Variants in GALNT13 observed in about 807,000 individuals in gnomAD.
GALNT13 encodes UDP-GalNAc:polypeptide N-acetylgalactosaminyltransferase 13.
A neutral mutation model predicts 64.2 loss-of-function variants in GALNT13; 28 were observed. The ratio of observed to expected loss-of-function variants is 0.44; its 90% CI spans 0.32 to 0.60. The LOEUF is 0.60. GALNT13 is among the 20% of genes least tolerant of loss of function. The probability of loss-of-function intolerance (pLI) is 0.05; values close to 1 mark genes in which losing one functional copy is unlikely to be tolerated. For missense variants in GALNT13, 577 were observed against 669.8 expected, an observed-to-expected ratio of 0.86 and a Z score of 1.53; for synonymous variants, 214 against 224.6, an observed-to-expected ratio of 0.95 and a Z score of 0.42.
At chr2:153,475,655 A>C in the GALNT13 span, among the ~76,000 whole-genome samples, 1 of 152,098 alleles carries the variant, frequency 6.6e-6, no homozygotes, top group African/African-American at 2.4e-5. Context: ...CGTGTCTGAA[A>C]CTCTAAGCAT....
chr2:154,123,506 T>G (rs1385938242), intron 3 of GALNT13, among the ~76,000 whole-genome samples: 1 of 151,924 alleles, frequency 6.6e-6, no homozygotes, highest in Non-Finnish European at 1.5e-5. Context: ...TTAGACCCTT[T>G]TAAAAAGGCA....
At chr2:154,446,954 G>C (rs1277153303) in intron 12 of GALNT13, among the ~76,000 whole-genome samples, 1 of 150,204 alleles carries the variant, frequency 6.7e-6, no homozygotes, top group Non-Finnish European at 1.5e-5. Flanking sequence ...GTTGTGTTTA[G>C]TCTATCCTTA....
At chr2:153,728,626 A>G in the GALNT13 span, among the ~76,000 whole-genome samples, 7 of 152,124 alleles carry the variant, frequency 4.6e-5, no homozygotes, top group African/African-American at 1.7e-4. Context: ...CTAGCAGAAG[A>G]CAAGAAATAA....
intron 7 of GALNT13, among the ~76,000 whole-genome samples, chr2:154,253,831 T>TA (rs1384845495): frequency 6.6e-6 from 1 of 152,222 alleles, no homozygotes; most frequent in Non-Finnish European, 1.5e-5. Context: ...GCTATAGAGA[T>TA]ACATTACTCA....
the GALNT13 span, among the ~76,000 whole-genome samples, chr2:153,677,857 C>A: frequency 6.6e-6 from 1 of 152,034 alleles, no homozygotes; most frequent in African/African-American, 2.4e-5. Flanking sequence ...GGACCCGTTC[C>A]TTTTGCCTTA....
the GALNT13 span, among the ~76,000 whole-genome samples, chr2:153,081,113 T>C: frequency 6.6e-6 from 1 of 152,140 alleles, no homozygotes; most frequent in Non-Finnish European, 1.5e-5. Flanking sequence ...TTCAGTTCTG[T>C]GTTTTTTTGC....
chr2:154,030,150 G>A (rs1391570078), intron 3 of GALNT13, among the ~76,000 whole-genome samples: 1 of 126,390 alleles, frequency 7.9e-6, no homozygotes, highest in Non-Finnish European at 2.0e-5. Context: ...AAATTAAGGA[G>A]GATTTAATGA....
chr2:153,458,591 G>T, the GALNT13 span, among the ~76,000 whole-genome samples: 3 of 152,210 alleles, frequency 2.0e-5, no homozygotes, highest in African/African-American at 7.2e-5. Flanking sequence ...CTTAGACCCA[G>T]AACTTAGTTT....
the GALNT13 span, among the ~76,000 whole-genome samples, chr2:153,081,160 A>G: frequency 6.6e-6 from 1 of 152,046 alleles, no homozygotes. Flanking sequence ...ACTATATGGT[A>G]TATACATTTT....
the GALNT13 span, among the ~76,000 whole-genome samples, chr2:153,796,295 G>C: frequency 6.6e-6 from 1 of 152,196 alleles, no homozygotes; most frequent in African/African-American, 2.4e-5. Context: ...AAACACAAGA[G>C]TGGGGAGCAT....
At chr2:153,755,133 T>G in the GALNT13 span, among the ~76,000 whole-genome samples, 1 of 152,182 alleles carries the variant, frequency 6.6e-6, no homozygotes, top group African/African-American at 2.4e-5. Flanking sequence ...TTCAGTGATA[T>G]GAAGTTAAAA....
At chr2:153,560,430 A>G in the GALNT13 span, among the ~76,000 whole-genome samples, 1 of 152,040 alleles carries the variant, frequency 6.6e-6, no homozygotes, top group African/African-American at 2.4e-5. Context: ...AAAAAAAAAC[A>G]TTCATCCATG....
chr2:154,144,057 T>A (rs906648320), intron 4 of GALNT13, among the ~76,000 whole-genome samples: 5 of 152,216 alleles, frequency 3.3e-5, no homozygotes, highest in Admixed American at 2.0e-4. Context: ...TGGTTATTAT[T>A]GCTTGAATTT....
At chr2:153,656,387 T>C in the GALNT13 span, among the ~76,000 whole-genome samples, 1 of 151,802 alleles carries the variant, frequency 6.6e-6, no homozygotes, top group Admixed American at 6.6e-5. Flanking sequence ...TTCTAAATTA[T>C]GTAGAAAGTA....
At chr2:153,157,912 T>C in the GALNT13 span, among the ~76,000 whole-genome samples, 2 of 152,068 alleles carry the variant, frequency 1.3e-5, no homozygotes, top group Non-Finnish European at 2.9e-5. Context: ...ATAATTACAA[T>C]AAAAACCCCA....
At chr2:154,360,252 A>G (rs936500414) in intron 9 of GALNT13, among the ~76,000 whole-genome samples, 1 of 152,152 alleles carries the variant, frequency 6.6e-6, no homozygotes, top group African/African-American at 2.4e-5. Context: ...AAGAAATATC[A>G]TTAACATTTA....
At chr2:154,327,593 A>T (rs1174457183) in intron 9 of GALNT13, among the ~76,000 whole-genome samples, 1 of 152,092 alleles carries the variant, frequency 6.6e-6, no homozygotes, top group East Asian at 1.9e-4. Context: ...AGTACTCTTT[A>T]ATTTTAATAA....
intron 9 of GALNT13, among the ~76,000 whole-genome samples, chr2:154,393,065 A>G (rs1412195671): frequency 6.6e-6 from 1 of 152,216 alleles, no homozygotes; most frequent in Non-Finnish European, 1.5e-5. Context: ...AGCAAGTTGG[A>G]GAAACAAATT....
the GALNT13 span, among the ~76,000 whole-genome samples, chr2:153,199,986 C>A: frequency 6.6e-6 from 1 of 152,124 alleles, no homozygotes; most frequent in Non-Finnish European, 1.5e-5. Context: ...CATAGGGTCT[C>A]AGGAGTCTTA....
Sources: gnomAD v4.1 joint callset for allele counts (sites outside exome capture counted in the v4.1 genomes callset) on GRCh38, gnomAD v4.1.1 for gene constraint, MANE v1.5 for transcripts, NCBI Gene and HGNC (gene_info 2026-07-23, HGNC 2026-07-21) for gene names.